ODF2L: variants seen among roughly 807,000 people sequenced by gnomAD.
The protein encoded by ODF2L is protein BCAP.
ODF2L carries 76 observed loss-of-function variants against 86.3 expected under a neutral mutation model. The observed-to-expected ratio is 0.88, with a 90% CI of 0.73 to 1.07. ODF2L has a LOEUF of 1.07. Ranked by LOEUF, ODF2L falls within the 50% of genes least tolerant of loss-of-function variation. ODF2L has a pLI of 0.00. For missense variants in ODF2L, 748 were observed against 717.4 expected (o/e 1.04, Z -0.49); for synonymous variants, 241 against 231.3 (o/e 1.04, Z -0.38).
At chr1:86,381,557 T>C (rs984884051) in intron 7 of ODF2L, among the ~76,000 whole-genome samples, 1 of 151,870 alleles carries the variant, frequency 6.6e-6, no homozygotes, top group Non-Finnish European at 1.5e-5. Flanking sequence ...CAACACTCAA[T>C]GGAGTTTGAG....
exon 9 of ODF2L, chr1:86,372,442 T>C (rs1348901360): frequency 1.2e-5 from 17 of 1,403,088 alleles, no homozygotes; most frequent in Non-Finnish European, 1.5e-5. Flanking sequence ...TTTTCATTGT[T>C]TCAATCTGTA....
At chr1:86,391,903 T>G (rs1230017068) in intron 1 of ODF2L, among the ~76,000 whole-genome samples, 1 of 152,148 alleles carries the variant, frequency 6.6e-6, no homozygotes, top group African/African-American at 2.4e-5. Context: ...GTCAGCAGAC[T>G]AAACAGACAA....
chr1:86,384,470 T>C (rs1039128617), intron 4 of ODF2L, among the ~76,000 whole-genome samples: 1 of 135,110 alleles, frequency 7.4e-6, no homozygotes, highest in Non-Finnish European at 1.7e-5. Context: ...GTTTTTGAGA[T>C]GAAAAATAAA....
intron 11 of ODF2L, among the ~76,000 whole-genome samples, chr1:86,367,717 A>C (rs1659539624): frequency 6.6e-6 from 1 of 152,206 alleles, no homozygotes; most frequent in Non-Finnish European, 1.5e-5. Flanking sequence ...AAGAGCAATT[A>C]TAAGTCATTG....
intron 17 of ODF2L, among the ~76,000 whole-genome samples, chr1:86,352,519 T>A (rs1367721057): frequency 1.3e-5 from 2 of 152,164 alleles, no homozygotes; most frequent in Non-Finnish European, 2.9e-5. Flanking sequence ...GTAATAATAG[T>A]TTACACTGTG....
At position 86,372,632 on chromosome 1, in the gene ODF2L, G is replaced by A. The variant is rs1659877259; in HGVS notation, c.811-92C>T. On this transcript the variant is annotated intron_variant, in intron 8 of 17. Coordinates refer to ENST00000317336, the Ensembl canonical transcript of ODF2L. ...ACACAAATACATTATAAACAGGGAA[G>A]CAATCTTCCAAAAAGTATGGAACTT... 15 of 618,718 alleles carry A rather than the reference G, an allele frequency of 2.4e-5. No homozygotes were observed. The East Asian group carries it at 4.5e-4, about 18-fold the overall frequency. 38.3% of individuals were successfully genotyped at this position (618,718 alleles called of 1,614,324 possible). A position where few individuals can be genotyped will look rare whatever the true frequency, so the allele number is the denominator to read the frequency against.
chr1:86,391,203 TGGAACACAAC>T, intron 1 of ODF2L, among the ~76,000 whole-genome samples: 1 of 152,118 alleles, frequency 6.6e-6, no homozygotes, highest in Non-Finnish European at 1.5e-5. Flanking sequence ...CACAAACAAA[TGGAACACAAC>T]CCATGTTCAT....
intron 11 of ODF2L, 41 bp from the exon 11 acceptor site, chr1:86,360,577 A>G: frequency 1.2e-6 from 1 of 836,514 alleles, no homozygotes; most frequent in Non-Finnish European, 2.0e-6. Flanking sequence ...ATTAGAATAC[A>G]TTTATACTCC....
rs371775685 is a variant in ODF2L at position 86,358,833 on chromosome 1, T to C, written c.1313A>G (p.His438Arg). 9 of 1,549,982 alleles carry C rather than the reference T, an allele frequency of 5.8e-6. No individual in the cohort carries two copies. In the African/African-American group the frequency reaches 6.9e-5, roughly 12 times the overall value. Residue 438 changes from histidine to arginine, a missense_variant, in exon 13 of 18, where the codon CAT becomes CGT. Physicochemically the swap from His to Arg is conservative, Grantham distance 29. Transcript: ENST00000317336. Reference sequence around the variant, plus strand: ...GGTTTTTGTTATTTGGTTATTTTTATGTAGCAAATTTTCACATCTGCTTTT... The same window carrying C: ...GGTTTTTGTTATTTGGTTATTTTTACGTAGCAAATTTTCACATCTGCTTTT...
exon 2 of ODF2L, chr1:86,387,038 A>T (rs1334657348): frequency 1.4e-6 from 2 of 1,417,954 alleles, no homozygotes; most frequent in African/African-American, 1.4e-5. Flanking sequence ...AAATTCAGTA[A>T]ATGGATTTAT....
At chr1:86,347,792 G>A (rs1215086009), downstream of ODF2L, 2 of 152,320 alleles carry the variant, frequency 1.3e-5, no homozygotes, top group East Asian at 3.9e-4. Context: ...TCCAAGAGGA[G>A]TCACTATTAC....
At chr1:86,370,027 C>T (rs1659688073) in intron 10 of ODF2L, among the ~76,000 whole-genome samples, 1 of 151,872 alleles carries the variant, frequency 6.6e-6, no homozygotes, top group Admixed American at 6.6e-5. Flanking sequence ...CCACTGCAAG[C>T]TTTATATAAT....
intron 1 of ODF2L, among the ~76,000 whole-genome samples, chr1:86,387,561 C>T (rs911904467): frequency 1.3e-5 from 2 of 152,128 alleles, no homozygotes; most frequent in Non-Finnish European, 2.9e-5. Context: ...GTAGACTTTT[C>T]AAAATTAAAT....
At chr1:86,365,123 C>T (rs1226994411) in intron 11 of ODF2L, among the ~76,000 whole-genome samples, 1 of 152,140 alleles carries the variant, frequency 6.6e-6, no homozygotes, top group Non-Finnish European at 1.5e-5. Flanking sequence ...GGCTCTGCCA[C>T]TAATCTAGTT....
chr1:86,356,070 A>G (rs1028669988), intron 14 of ODF2L: 1 of 222,674 alleles, frequency 4.5e-6, no homozygotes, highest in South Asian at 5.5e-5. Context: ...AAAAAACTTG[A>G]CGTACAATTC....
At position 86,376,438 on chromosome 1, in the gene ODF2L, C is replaced by T; in HGVS notation, c.625-20G>A. The T allele has an allele frequency of 1.3e-6, 2 of 1,483,196 alleles. No homozygotes were observed. Among genetic ancestry groups the T allele is most frequent in the Non-Finnish European group, 1.8e-6 (2 of 1,084,602 alleles). The allele number at this position is 1,483,196 out of a possible 1,614,324, so 91.9% of individuals were successfully genotyped here. A position where few individuals can be genotyped will look rare whatever the true frequency, so the allele number is the denominator to read the frequency against. On this transcript the variant is annotated intron_variant, in intron 7 of 17. Coordinates refer to ENST00000317336, the Ensembl canonical transcript of ODF2L. Reference sequence around the variant, plus strand: ...TAAGCTCTAAAAAAAAAATTAGCAACAATTAAATTATTTCAGAACTCCAAT... The same window carrying T: ...TAAGCTCTAAAAAAAAAATTAGCAATAATTAAATTATTTCAGAACTCCAAT...
chr1:86,387,064 G>A (rs752664098), exon 2 of ODF2L: 43 of 952,418 alleles, frequency 4.5e-5, no homozygotes, highest in Admixed American at 2.0e-4. Context: ...GCTTCACAGC[G>A]ACTTCTCCAC....
chr1:86,358,129 A>C, intron 13 of ODF2L: 6 of 980,004 alleles, frequency 6.1e-6, no homozygotes, highest in Non-Finnish European at 7.3e-6. Context: ...CAACCCAGAG[A>C]GAGTAACCTT....
At chr1:86,358,066 C>T (rs953345119) in intron 13 of ODF2L, 7 of 985,354 alleles carry the variant, frequency 7.1e-6, no homozygotes, top group Admixed American at 6.2e-5. Context: ...CTCTGGCTGA[C>T]CTCTTCTTCA....
Sources: allele counts gnomAD v4.1 joint callset (sites outside exome capture counted in the v4.1 genomes callset), GRCh38; gene constraint gnomAD v4.1.1; transcripts MANE v1.5; gene names NCBI Gene and HGNC (gene_info 2026-07-23, HGNC 2026-07-21).